TTLL5: variants seen among roughly 807,000 people sequenced by gnomAD.
TTLL5 encodes the protein tubulin tyrosine ligase like 5.
In TTLL5, 132 loss-of-function variants were observed where a neutral mutation model predicts 168.4. That is an observed-to-expected ratio of 0.78 (90% CI 0.68 to 0.91). TTLL5 has a LOEUF of 0.91. TTLL5 is among the 40% of genes least tolerant of loss of function. The probability of loss-of-function intolerance (pLI) is 0.00; values close to 1 mark genes in which losing one functional copy is unlikely to be tolerated. For synonymous variants in TTLL5, 546 were observed against 558.6 expected (o/e 0.98, Z 0.32); for missense variants, 1,545 against 1,581.5 (o/e 0.98, Z 0.39).
At chr14:75,706,784 A>G (rs1292572214) in intron 7 of TTLL5, among the ~76,000 whole-genome samples, 2 of 151,494 alleles carry the variant, frequency 1.3e-5, no homozygotes, top group Admixed American at 6.6e-5. Flanking sequence ...ATTATTTATT[A>G]TGTGAGAGGT....
intron 3 of TTLL5, among the ~76,000 whole-genome samples, chr14:75,680,694 C>T (rs925731241): frequency 3.5e-5 from 5 of 143,614 alleles, no homozygotes; most frequent in East Asian, 2.1e-4. Context: ...ATGATCTCGG[C>T]GCTCACTGCA....
intron 28 of TTLL5, among the ~76,000 whole-genome samples, chr14:75,832,916 C>G (rs761582402): frequency 5.3e-5 from 8 of 152,166 alleles, no homozygotes; most frequent in Non-Finnish European, 1.2e-4. Flanking sequence ...TCCTATCAGG[C>G]CCAGGCTGAG....
intron 28 of TTLL5, among the ~76,000 whole-genome samples, chr14:75,831,503 A>G (rs1004955168): frequency 6.6e-6 from 1 of 152,072 alleles, no homozygotes; most frequent in Admixed American, 6.5e-5. Flanking sequence ...CCCTCCCTCT[A>G]CTGCCCACAG....
intron 28 of TTLL5, chr14:75,835,308 T>C (rs529902999): frequency 2.5e-4 from 38 of 152,370 alleles, no homozygotes; most frequent in African/African-American, 9.1e-4. Context: ...TAGAGCATTG[T>C]CTCCCAGTGT....
intron 31 of TTLL5, among the ~76,000 whole-genome samples, chr14:75,935,511 A>C (rs1200545213): frequency 6.6e-6 from 1 of 152,236 alleles, no homozygotes; most frequent in Non-Finnish European, 1.5e-5. Context: ...TTTTCCATAC[A>C]ACAAGTTGTG....
chr14:75,681,400 G>T (rs1884601945), intron 3 of TTLL5, 145 bp from the exon 4 acceptor site: 2 of 621,714 alleles, frequency 3.2e-6, no homozygotes, highest in Admixed American at 2.8e-5. Context: ...AAGAACTCAT[G>T]GTCCAAAATA....
chr14:75,938,385 GC>G (rs536803316), intron 31 of TTLL5, among the ~76,000 whole-genome samples: 6 of 152,210 alleles, frequency 3.9e-5, no homozygotes, highest in Admixed American at 1.3e-4. Context: ...CAGTGGGGGA[GC>G]CCATGGAGGC....
intron 27 of TTLL5, among the ~76,000 whole-genome samples, chr14:75,813,541 G>A (rs908473663): frequency 6.6e-6 from 1 of 152,040 alleles, no homozygotes; most frequent in Non-Finnish European, 1.5e-5. Context: ...GGGCTCCAAC[G>A]ATCCACATGC....
chr14:75,775,796 T>C (rs1035615), intron 22 of TTLL5, among the ~76,000 whole-genome samples, 166 bp downstream of exon 22: 151,474 of 152,308 alleles, frequency 0.99, 75,324 homozygotes, highest in Middle Eastern at 1. Context: ...ACACCTTAAC[T>C]CAGCTGGTCT....
intron 31 of TTLL5, among the ~76,000 whole-genome samples, chr14:75,914,033 A>AAAAAAAATATATATATATATATATATAT: frequency 5.6e-5 from 4 of 71,096 alleles, no homozygotes; most frequent in East Asian, 4.4e-4. Flanking sequence ...AAAAAAAAAA[A>AAAAAAAATATATATATATATATATATAT]ATATATATAT....
chr14:75,863,996 C>G (rs2030288881), intron 29 of TTLL5, 134 bp downstream of exon 29: 2 of 893,436 alleles, frequency 2.2e-6, no homozygotes, highest in South Asian at 4.7e-5. Context: ...GCTTGGACAG[C>G]TCATGGGGAG....
intron 29 of TTLL5, among the ~76,000 whole-genome samples, chr14:75,874,343 C>T (rs1468430375): frequency 1.3e-5 from 2 of 152,126 alleles, no homozygotes; most frequent in African/African-American, 2.4e-5. Flanking sequence ...CCACCCGCCT[C>T]GGCCTCCCAA....
At chr14:75,833,889 A>G (rs1198296972) in intron 28 of TTLL5, among the ~76,000 whole-genome samples, 1 of 152,192 alleles carries the variant, frequency 6.6e-6, no homozygotes, top group Non-Finnish European at 1.5e-5. Context: ...CTGACTCCTC[A>G]AAGGGTTATT....
chr14:75,781,693 G>A (rs1372308337), intron 24 of TTLL5, among the ~76,000 whole-genome samples: 1 of 152,126 alleles, frequency 6.6e-6, no homozygotes, highest in Non-Finnish European at 1.5e-5. Flanking sequence ...GGTGGCTCAC[G>A]CCTGTAATCC....
chr14:75,905,567 G>A (rs1417412642), intron 31 of TTLL5, among the ~76,000 whole-genome samples: 1 of 152,180 alleles, frequency 6.6e-6, no homozygotes, highest in Admixed American at 6.5e-5. Flanking sequence ...TTAGTAGTTT[G>A]CTGTGGAAGG....
rs140166719 is a variant in TTLL5, at chr14:75,687,473, C to T, written c.372-2719C>T. Among the ~76,000 whole-genome samples the T allele has an allele frequency of 9.4e-3, 1,426 of 152,116 alleles. 29 individuals carry two copies. Among genetic ancestry groups the T allele is most frequent in the African/African-American group, 0.033 (1,352 of 41,464 alleles). On this transcript the variant is annotated intron_variant, in intron 5 of 31. Transcript: ENST00000298832. Reference sequence around the variant, plus strand: ...AGTTTTAGTAGAGACGGGGTTTCATCGTGTTGGTCAGGCTGGTCTCGAACT... The same window carrying T: ...AGTTTTAGTAGAGACGGGGTTTCATTGTGTTGGTCAGGCTGGTCTCGAACT...
intron 31 of TTLL5, among the ~76,000 whole-genome samples, chr14:75,954,083 C>T (rs2035039259): frequency 6.6e-6 from 1 of 151,848 alleles, no homozygotes; most frequent in African/African-American, 2.4e-5. Flanking sequence ...CCCATCTCCA[C>T]TAAAAATACA....
Position 75,954,700 on chromosome 14 carries a change from T to G in TTLL5, c.*254T>G. ...GGGGACATTCAGCTGATGCATTATA[T>G]ACCCCGTCAGAGCACACTTGTATCT... On this transcript the variant is annotated 3_prime_UTR_variant, in exon 32 of 32. Coordinates refer to ENST00000298832, the MANE Select transcript of TTLL5 (RefSeq NM_015072.5). The G allele has an allele frequency of 1.8e-6, 1 of 562,520 alleles. No homozygotes were observed. Among genetic ancestry groups the G allele is most frequent in the Non-Finnish European group, 3.2e-6 (1 of 315,320 alleles). 34.8% of individuals were successfully genotyped at this position (562,520 alleles called of 1,614,324 possible).
intron 18 of TTLL5, among the ~76,000 whole-genome samples, chr14:75,760,664 A>G (rs1006937699): frequency 4.6e-5 from 7 of 152,232 alleles, no homozygotes; most frequent in African/African-American, 1.7e-4. Flanking sequence ...TGGTCAAAGT[A>G]ATCCAATGGT....
Sources: allele counts gnomAD v4.1 joint callset (sites outside exome capture counted in the v4.1 genomes callset), GRCh38; gene constraint gnomAD v4.1.1; transcripts MANE v1.5; gene names NCBI Gene and HGNC (gene_info 2026-07-23, HGNC 2026-07-21).